Variants in PYY observed in about 807,000 individuals in gnomAD.
PYY encodes the protein peptide tyrosine tyrosine.
Under a neutral mutation model 10.3 loss-of-function variants are expected in PYY, and 12 were observed. The observed-to-expected ratio is 1.17, with a 90% CI of 0.75 to 1.89. The LOEUF is 1.89. Ranked by LOEUF, PYY falls within the 40% of genes most tolerant of loss-of-function variation. PYY has a pLI of 0.00. For missense variants in PYY, 141 were observed against 134.0 expected (o/e 1.05, Z -0.26); for synonymous variants, 66 against 62.0 (o/e 1.06, Z -0.30).
chr17:43,953,252 G>GCAGGGTGAGAGCCC, intron 2 of PYY, 44 bp downstream of exon 2: 1 of 1,607,214 alleles, frequency 6.2e-7, no homozygotes, highest in African/African-American at 1.3e-5. Flanking sequence ...GAGCGGGGCC[G>GCAGGGTGAGAGCCC]CAGGGTGAGA....
chr17:43,960,425 C>T (rs916750332), intron 2 of PYY, among the ~76,000 whole-genome samples: 1 of 147,904 alleles, frequency 6.8e-6, no homozygotes, highest in African/African-American at 2.5e-5. Context: ...TGCCTGTAAT[C>T]CCAGCTACTC....
intron 1 of PYY, 77 bp from the exon 2 acceptor site, chr17:43,953,560 GC>G: frequency 7.4e-7 from 1 of 1,357,778 alleles, no homozygotes; most frequent in Non-Finnish European, 9.9e-7. Flanking sequence ...TGCCGTCGGG[GC>G]CGCGCTCCGA....
chr17:44,000,019 C>CT (rs1344794336), intron 1 of PYY, among the ~76,000 whole-genome samples: 1 of 151,958 alleles, frequency 6.6e-6, no homozygotes, highest in Non-Finnish European at 1.5e-5. Context: ...TTTTTCTTTT[C>CT]TTTTTTTATT....
intron 2 of PYY, among the ~76,000 whole-genome samples, chr17:43,959,911 G>A (rs1191257608): frequency 1.3e-5 from 2 of 152,220 alleles, no homozygotes; most frequent in East Asian, 1.9e-4. Context: ...GATTCAGGGA[G>A]AAACAGTTCT....
chr17:43,979,885 T>C (rs1184339257), intron 1 of PYY, among the ~76,000 whole-genome samples: 1 of 152,042 alleles, frequency 6.6e-6, no homozygotes, highest in African/African-American at 2.4e-5. Flanking sequence ...TCCATAAATG[T>C]CAAAACACAT....
chr17:43,981,021 CT>C lies in PYY; in HGVS notation c.-462-14490del, dbSNP rs1055327592. Among the ~76,000 whole-genome samples, 592 of 147,362 alleles carry C rather than the reference CT, an allele frequency of 4.0e-3. 2 individuals carry two copies. The highest frequency in any genetic ancestry group is 0.013 in the African/African-American group (533 of 40,152). ...AGCTTGCCCATCTGAGACAGCAGAACTTTTTTTTTTCTTTTTTTTTTTAGTA... is the reference window on the plus strand; with the variant it reads ...AGCTTGCCCATCTGAGACAGCAGAACTTTTTTTTTCTTTTTTTTTTTAGTA... On this transcript the variant is annotated intron_variant, in intron 1 of 6. Transcript: ENST00000360085.
chr17:44,002,432 C>T (rs1325986024), intron 1 of PYY, among the ~76,000 whole-genome samples: 6 of 152,190 alleles, frequency 3.9e-5, no homozygotes, highest in Non-Finnish European at 8.8e-5. Context: ...GGCCATGCCA[C>T]TGACGAGCTG....
intron 1 of PYY, among the ~76,000 whole-genome samples, chr17:43,978,943 G>T (rs1325825944): frequency 6.6e-6 from 1 of 152,288 alleles, no homozygotes; most frequent in South Asian, 2.1e-4. Context: ...ATCCATAAAG[G>T]TCTGTTTTTC....
intron 1 of PYY, among the ~76,000 whole-genome samples, chr17:43,972,951 G>A (rs978216288): frequency 1.3e-5 from 2 of 151,888 alleles, no homozygotes; most frequent in Non-Finnish European, 2.9e-5. Context: ...TTGACCTCGT[G>A]ATCCGCCCGC....
At chr17:44,004,247 C>T (rs541827413) in intron 1 of PYY, 2 of 152,666 alleles carry the variant, frequency 1.3e-5, no homozygotes, top group African/African-American at 5.0e-5. Flanking sequence ...TCCCACTGCC[C>T]CCCTTCTTCT....
intron 1 of PYY, among the ~76,000 whole-genome samples, chr17:44,003,353 T>C (rs1243881567): frequency 7.2e-5 from 11 of 152,148 alleles, no homozygotes; most frequent in Admixed American, 7.2e-4. Context: ...GGATAAACTT[T>C]AAGTTTAAAA....
rs2048640474 is a variant in PYY at position 43,952,858 on chromosome 17, C to G, written c.*98G>C. The stretch of plus-strand genomic sequence containing the variant: ...CCGCACCCGAACCCTGCCCAGACGC[C>G]GCCGTCGGGAGGCAGAATCCGGGTT... On this transcript the variant is annotated 3_prime_UTR_variant, in exon 4 of 4. Coordinates refer to ENST00000692052, the MANE Select transcript of PYY (RefSeq NM_001394028.1). The G allele has an allele frequency of 2.1e-5, 29 of 1,364,650 alleles. No homozygotes were observed. The South Asian group carries it at 4.1e-4, about 19-fold the overall frequency. The allele number at this position is 1,364,650 out of a possible 1,614,324, so 84.5% of individuals were successfully genotyped here.
chr17:43,979,276 T>C (rs2048868087), intron 1 of PYY, among the ~76,000 whole-genome samples: 1 of 152,210 alleles, frequency 6.6e-6, no homozygotes, highest in South Asian at 2.1e-4. Flanking sequence ...GCCCCAGCAG[T>C]TGGAGTCTTA....
intron 1 of PYY, among the ~76,000 whole-genome samples, chr17:43,981,056 G>A (rs2048880908): frequency 6.6e-6 from 1 of 150,716 alleles, no homozygotes; most frequent in Non-Finnish European, 1.5e-5. Flanking sequence ...TACAGATAAG[G>A]TCTTGCTATT....
At chr17:43,991,924 C>CCCTG (rs1323829432) in intron 1 of PYY, among the ~76,000 whole-genome samples, 1 of 151,308 alleles carries the variant, frequency 6.6e-6, no homozygotes, top group African/African-American at 2.4e-5. Flanking sequence ...ATGGAGACTA[C>CCCTG]CCTGACTAAC....
chr17:43,983,049 T>C (rs1321905282), intron 1 of PYY, among the ~76,000 whole-genome samples: 2 of 151,920 alleles, frequency 1.3e-5, no homozygotes, highest in African/African-American at 2.4e-5. Flanking sequence ...CTGGCCAACA[T>C]GGTGAAACCC....
chr17:43,984,549 TTAGAGAGGCTGGAA>T (rs2048904033), intron 1 of PYY, among the ~76,000 whole-genome samples: 1 of 152,228 alleles, frequency 6.6e-6, no homozygotes. Context: ...AACCGCTTAC[TTAGAGAGGCTGGAA>T]ACCTTAGGGC....
At chr17:43,970,700 A>T (rs2048786815) in intron 1 of PYY, among the ~76,000 whole-genome samples, 2 of 152,218 alleles carry the variant, frequency 1.3e-5, no homozygotes, top group South Asian at 4.1e-4. Context: ...GGACTGTATC[A>T]CTCCGAAGGA....
rs899605774 is a variant in PYY at position 43,962,208 on chromosome 17, A to T, written c.-218+4080T>A. On this transcript the variant is annotated intron_variant, in intron 2 of 6. Coordinates refer to the PYY transcript ENST00000360085. Reference sequence around the variant, plus strand: ...AGCAAGAGTGATGTGTGCCACTCTCAAAATGTGCTATTAGAAGGAATGGGG... The same window carrying T: ...AGCAAGAGTGATGTGTGCCACTCTCTAAATGTGCTATTAGAAGGAATGGGG... Among the ~76,000 whole-genome samples the T allele has an allele frequency of 2.0e-5, 3 of 152,182 alleles. No individual in the cohort carries two copies. In the East Asian group the frequency reaches 5.8e-4, roughly 29 times the overall value.
Sources: allele counts gnomAD v4.1 joint callset (sites outside exome capture counted in the v4.1 genomes callset), GRCh38; gene constraint gnomAD v4.1.1; transcripts MANE v1.5; gene names NCBI Gene and HGNC (gene_info 2026-07-23, HGNC 2026-07-21).